Variants in PIEZO1 observed in about 807,000 individuals in gnomAD.
PIEZO1 encodes piezo-type mechanosensitive ion channel component 1.
A neutral mutation model predicts 297.2 loss-of-function variants in PIEZO1; 296 were observed. The ratio of observed to expected loss-of-function variants is 1.00; its 90% confidence interval spans 0.91 to 1.10. The LOEUF (loss-of-function observed/expected upper bound fraction) is 1.10, where lower values mean the gene tolerates loss of function less well. Ranked by LOEUF, PIEZO1 falls within the 50% of genes least tolerant of loss-of-function variation. The pLI, the probability that PIEZO1 is intolerant of heterozygous loss-of-function variation, is 0.00. For missense variants in PIEZO1, 5,018 were observed against 3,455.5 expected, an observed-to-expected ratio of 1.45 and a Z score of -11.34; for synonymous variants, 2,427 against 1,507.5, an observed-to-expected ratio of 1.61 and a Z score of -14.13.
chr16:88,747,438 C>A (rs1906121191), intron 2 of PIEZO1, among the ~76,000 whole-genome samples: 2 of 152,228 alleles, frequency 1.3e-5, no homozygotes, highest in Admixed American at 1.3e-4. Flanking sequence ...ATCGCTTGAA[C>A]CCGCGAGGCG....
Position 88,726,566 on chromosome 16 carries a change from G to T in PIEZO1, c.3777C>A (p.Thr1259=), listed in dbSNP as rs190724740. The T allele has an allele frequency of 6.5e-7, 1 of 1,549,896 alleles. No individual in the cohort carries two copies. The highest frequency in any genetic ancestry group is 1.4e-5 in the African/African-American group (1 of 73,034). The change falls in exon 26 of 51, where the codon ACC becomes ACA. Residue 1259 remains threonine, a synonymous_variant. Transcript: ENST00000301015. ...ACTCACGGTCATAGTAGCCCTTGAC[G>T]GTGCATACAAGGCTGAAGAGCTGGA... ...WVIQLFSLVC[T]VKGYYDPKEM...
chr16:88,731,446 A>G, intron 22 of PIEZO1: 2 of 498,350 alleles, frequency 4.0e-6, no homozygotes, highest in South Asian at 2.6e-5. Context: ...AACTTTCCTG[A>G]AGGTTTGAAA....
At chr16:88,744,676 G>C (rs1050455841) in intron 2 of PIEZO1, among the ~76,000 whole-genome samples, 15 of 151,248 alleles carry the variant, frequency 9.9e-5, no homozygotes, top group African/African-American at 3.2e-4. Context: ...CTCCTTCCCG[G>C]TTCAGTTCTC....
intron 19 of PIEZO1, 200 bp downstream of exon 19, chr16:88,733,078 G>C (rs1460793277): frequency 3.3e-6 from 2 of 604,048 alleles, no homozygotes; most frequent in East Asian, 5.6e-5. Context: ...GGACACCCTT[G>C]TGTGCAGGGA....
At chr16:88,770,460 C>T (rs1448254454) in intron 1 of PIEZO1, among the ~76,000 whole-genome samples, 2 of 152,154 alleles carry the variant, frequency 1.3e-5, no homozygotes, top group South Asian at 2.1e-4. Context: ...GAGGATGGCA[C>T]GGTGAAGAGT....
rs771257968 is a variant in PIEZO1 at position 88,720,649 on chromosome 16, G to A, written c.5768C>T (p.Ala1923Val). 2.7e-4 allele frequency: 423 copies of A among 1,547,390 alleles called. No individual in the cohort carries two copies. The highest frequency in any genetic ancestry group is 3.2e-4 in the Non-Finnish European group (363 of 1,145,814). The part of the protein sequence containing the change: ...PSRSGGRVRA[A>V]GRRLQGFCLS... ...GCAGAAGCCCTGCAGCCGCCGCCCG[G>A]CCGCCCTTACTCTTCCTCCAGAGCG... The change falls in exon 40 of 51, where the codon GCC becomes GTC. Residue 1923 changes from alanine (A) to valine (V), a missense_variant. Physicochemically the swap from Ala to Val is moderately conservative, Grantham distance 64. Transcript: ENST00000301015.
At position 88,758,717 on chromosome 16, in the gene PIEZO1, C is replaced by T. The variant is rs1193009082; in HGVS notation, c.65-9238G>A. Among the ~76,000 whole-genome samples, 11 of 152,338 alleles carry T rather than the reference C, an allele frequency of 7.2e-5. No homozygotes were observed. The South Asian group carries it at 2.3e-3, about 32-fold the overall frequency. On this transcript the variant is annotated intron_variant, in intron 1 of 50. Transcript: ENST00000301015. ...CCACTGGGCTCTGGCCCTGACCTCT[C>T]ACAACTGCTGAGATGACCACAGATG... is the stretch of plus-strand genomic sequence containing the variant.
rs1310285053 is a variant in PIEZO1 at position 88,737,950 on chromosome 16, T to C, written c.1004A>G (p.Tyr335Cys). Reference sequence around the variant, plus strand: ...GGTGCTCACCTGGCCGGAGGGGCGGTACGCGCGGAGCTTGCGCAGAGAGGC... The same window carrying C: ...GGTGCTCACCTGGCCGGAGGGGCGGCACGCGCGGAGCTTGCGCAGAGAGGC... ...ATASLRKLRAYRPSGQRKEAA... is the reference protein window; with the variant it reads ...ATASLRKLRACRPSGQRKEAA... The change falls in exon 8 of 51, where the codon TAC becomes TGC. Residue 335 changes from tyrosine to cysteine, a missense_variant. By Grantham distance (194) the Tyr-to-Cys change is radical (BLOSUM62 -2). Coordinates refer to ENST00000301015, the MANE Select transcript of PIEZO1 (RefSeq NM_001142864.4). 1.3e-6 allele frequency: 2 copies of C among 1,530,552 alleles called. No homozygotes were observed. Among genetic ancestry groups the C allele is most frequent in the Admixed American group, 3.9e-5 (2 of 50,724 alleles). 94.8% of individuals were successfully genotyped at this position (1,530,552 alleles called of 1,614,324 possible).
In PIEZO1 at chr16:88,732,485, C is replaced by T; in HGVS notation, c.2841G>A (p.Arg947=). 6.5e-7 allele frequency: 1 copy of T among 1,549,180 alleles called. No homozygotes were observed. Among genetic ancestry groups the T allele is most frequent in the Non-Finnish European group, 8.7e-7 (1 of 1,146,144 alleles). The change falls in exon 21 of 51, where the codon CGG becomes CGA. Residue 947 remains arginine, a synonymous_variant. Transcript: ENST00000301015. Reference sequence around the variant, plus strand: ...GCTGCCGGCGGTAGTGCTCCTGGCGCCGGTACACGATGGCCTCGAATACCA... The same window carrying T: ...GCTGCCGGCGGTAGTGCTCCTGGCGTCGGTACACGATGGCCTCGAATACCA... The part of the protein sequence containing the change: ...LLLVFEAIVY[R]RQEHYRRQHQ...
At chr16:88,742,449 G>A (rs1426352722) in intron 2 of PIEZO1, 27 bp from the exon 3 acceptor site, 10 of 1,531,918 alleles carry the variant, frequency 6.5e-6, no homozygotes, top group Non-Finnish European at 7.0e-6. Flanking sequence ...GGGTGAGGCT[G>A]GTCCCGGGGA....
intron 1 of PIEZO1, among the ~76,000 whole-genome samples, chr16:88,783,866 G>A (rs2142917821): frequency 6.6e-6 from 1 of 152,348 alleles, no homozygotes; most frequent in South Asian, 2.1e-4. Context: ...GCTAGCGCTG[G>A]GCGAGCTCCC....
intron 1 of PIEZO1, among the ~76,000 whole-genome samples, chr16:88,763,045 C>G (rs1351624712): frequency 2.0e-5 from 3 of 152,250 alleles, no homozygotes; most frequent in Non-Finnish European, 4.4e-5. Flanking sequence ...GCAACCAAAA[C>G]AGTCTGGCCC....
intron 16 of PIEZO1, 49 bp downstream of exon 16, chr16:88,734,307 C>A: frequency 1.4e-6 from 2 of 1,443,520 alleles, no homozygotes; most frequent in Middle Eastern, 4.7e-4. Context: ...CCTCCCTGGC[C>A]CAGGAGGCTA....
chr16:88,730,846 T>C lies in PIEZO1; in HGVS notation c.3196+860A>G, dbSNP rs145326697. On this transcript the variant is annotated intron_variant, in intron 22 of 50. Transcript: ENST00000301015. ...TTCTTGGAAAGCAGCCAGTAACAAA[T>C]GGCAGCTGTCCTTGATGGGAATCCC... 3.6e-3 allele frequency among the ~76,000 whole-genome samples: 541 copies of C among 152,324 alleles called. 1 individual carries two copies. The highest frequency in any genetic ancestry group is 0.012 in the African/African-American group (502 of 41,568).
At chr16:88,762,588 G>A (rs1172342646) in intron 1 of PIEZO1, among the ~76,000 whole-genome samples, 1 of 152,214 alleles carries the variant, frequency 6.6e-6, no homozygotes, top group East Asian at 1.9e-4. Flanking sequence ...ACGGCCAGAG[G>A]GGTTTGCCAG....
rs1164863956 is a variant in PIEZO1 at position 88,715,913 on chromosome 16, C to T, written c.7316+20G>A. 1.0e-5 allele frequency: 15 copies of T among 1,474,210 alleles called. No individual in the cohort carries two copies. Among genetic ancestry groups the T allele is most frequent in the Middle Eastern group, 1.7e-4 (1 of 5,808 alleles). 91.3% of individuals were successfully genotyped at this position (1,474,210 alleles called of 1,614,324 possible). The stretch of plus-strand genomic sequence containing the variant: ...CGGAGCCCCCCGAGCTGCGGGGTGC[C>T]CCCCCAGCCACTCACTCACCCGTAG... On this transcript the variant is annotated intron_variant, in intron 50 of 50. Coordinates refer to ENST00000301015, the MANE Select transcript of PIEZO1 (RefSeq NM_001142864.4).
In PIEZO1 at chr16:88,726,635, G is replaced by C. The variant is rs886853240; in HGVS notation, c.3708C>G (p.Ala1236=). 6.5e-7 allele frequency: 1 copy of C among 1,549,412 alleles called. No individual in the cohort carries two copies. Among genetic ancestry groups the C allele is most frequent in the African/African-American group, 1.4e-5 (1 of 72,980 alleles). The stretch of plus-strand genomic sequence containing the variant: ...TCTGCATCTGCTCCACGAAGACGCA[G>C]GCCAGGAGCTGGGGGAGAGCAGGGT... ...IISKNMLSLL[A]CVFVEQMQTG... is the part of the protein sequence containing the mutation. The change falls in exon 26 of 51, where the codon GCC becomes GCG. Residue 1236 remains alanine (A), a synonymous_variant. Coordinates refer to ENST00000301015, the MANE Select transcript of PIEZO1 (RefSeq NM_001142864.4).
At chr16:88,759,951 C>T (rs1039787653) in intron 1 of PIEZO1, among the ~76,000 whole-genome samples, 1 of 152,162 alleles carries the variant, frequency 6.6e-6, no homozygotes, top group East Asian at 1.9e-4. Context: ...CCCACCTTCA[C>T]CAGCCACCCT....
chr16:88,750,594 G>C (rs73266669), intron 1 of PIEZO1, among the ~76,000 whole-genome samples: 1 of 152,188 alleles, frequency 6.6e-6, no homozygotes, highest in Non-Finnish European at 1.5e-5. Context: ...GCTCCCACCC[G>C]GGGTCTCCCT....
Sources: allele counts gnomAD v4.1 joint callset (sites outside exome capture counted in the v4.1 genomes callset), GRCh38; gene constraint gnomAD v4.1.1; transcripts MANE v1.5; gene names NCBI Gene and HGNC (gene_info 2026-07-23, HGNC 2026-07-21).